Variants in ABAT observed in about 807,000 individuals in gnomAD.
The protein encoded by ABAT is 4-aminobutyrate aminotransferase.
Under a neutral mutation model 64.6 loss-of-function variants are expected in ABAT, and 45 were observed. That is an observed-to-expected ratio of 0.70 (90% CI 0.55 to 0.89). ABAT has a LOEUF of 0.89. Among genes scored for constraint, ABAT ranks in the 40% least tolerant of loss-of-function variants. ABAT has a pLI of 0.00. For synonymous variants in ABAT, 297 were observed against 250.5 expected, an observed-to-expected ratio of 1.19 and a Z score of -1.75; for missense variants, 633 against 658.4, an observed-to-expected ratio of 0.96 and a Z score of 0.42.
Position 8,766,196 on chromosome 16 carries a change from C to T in ABAT, c.541-12C>T. On this transcript the variant is annotated splice_polypyrimidine_tract_variant and intron_variant, in intron 8 of 15. Transcript: ENST00000268251. ...AGCATCTCTGAGATTTTGTTCTGTT[C>T]TATTGTTTCAGAGCAAGGAAAGAGG... The T allele has an allele frequency of 6.2e-7, 1 of 1,613,590 alleles. No homozygotes were observed. The highest frequency in any genetic ancestry group is 8.5e-7 in the Non-Finnish European group (1 of 1,179,598).
intron 2 of ABAT, among the ~76,000 whole-genome samples, chr16:8,739,853 A>G (rs1434243058): frequency 6.6e-6 from 1 of 151,328 alleles, no homozygotes; most frequent in Non-Finnish European, 1.5e-5. Flanking sequence ...TTTTTGGCAC[A>G]TTTATGATTT....
At chr16:8,695,328 T>C (rs2057678041) in intron 1 of ABAT, among the ~76,000 whole-genome samples, 1 of 152,236 alleles carries the variant, frequency 6.6e-6, no homozygotes. Context: ...TGGTTCATAC[T>C]GGTTAAGAGG....
rs56100974 is a variant in ABAT at position 8,743,318 on chromosome 16, CTGTGTGTGTGTG to C, written c.71-2659_71-2648del. Among the ~76,000 whole-genome samples, 664 of 142,608 alleles carry C rather than the reference CTGTGTGTGTGTG, an allele frequency of 4.7e-3. 7 individuals carry two copies. The highest frequency in any genetic ancestry group is 0.017 in the African/African-American group (618 of 37,446). The allele number at this position is 142,608 out of a possible 152,430, so 93.6% of individuals were successfully genotyped here. ...CGACAAGCTATCTGCATGTGTGTCT[CTGTGTGTGTGTG>C]TGTGTGTGTGTGTGTGTGTGTGTCA... is the stretch of plus-strand genomic sequence containing the variant. On this transcript the variant is annotated intron_variant, in intron 2 of 15. Transcript: ENST00000268251.
chr16:8,770,882 A>T (rs2060085866), intron 11 of ABAT, among the ~76,000 whole-genome samples: 3 of 152,188 alleles, frequency 2.0e-5, no homozygotes, highest in Non-Finnish European at 4.4e-5. Context: ...ATTCCTTTTT[A>T]AAAATTCCTT....
intron 2 of ABAT, among the ~76,000 whole-genome samples, chr16:8,743,423 T>A (rs988123342): frequency 4.4e-5 from 2 of 45,268 alleles, no homozygotes; most frequent in Non-Finnish European, 7.6e-5. Flanking sequence ...ATGGAAACAG[T>A]TATATATATA....
intron 1 of ABAT, among the ~76,000 whole-genome samples, chr16:8,706,463 C>T (rs1188569132): frequency 1.3e-5 from 2 of 150,648 alleles, no homozygotes; most frequent in African/African-American, 4.9e-5. Context: ...CCTGTAATCC[C>T]AGCACTTTGG....
chr16:8,722,351 G>C (rs1206812544), intron 1 of ABAT, among the ~76,000 whole-genome samples: 1 of 152,038 alleles, frequency 6.6e-6, no homozygotes, highest in African/African-American at 2.4e-5. Context: ...CACTATGTTA[G>C]CCAGGCTAGT....
intron 2 of ABAT, among the ~76,000 whole-genome samples, chr16:8,742,229 C>G (rs545811647): frequency 2.6e-4 from 39 of 152,316 alleles, no homozygotes; most frequent in African/African-American, 8.9e-4. Context: ...CACTTGATCC[C>G]ACGCTCTCCA....
At chr16:8,778,851 C>G (rs1000018713) in intron 14 of ABAT, among the ~76,000 whole-genome samples, 1 of 151,844 alleles carries the variant, frequency 6.6e-6, no homozygotes, top group African/African-American at 2.4e-5. Flanking sequence ...TTCATTTTAA[C>G]CTAACTAATT....
At chr16:8,737,768 C>CA (rs55786206) in intron 2 of ABAT, among the ~76,000 whole-genome samples, 74,363 of 144,332 alleles carry the variant, frequency 0.52, 19,926 homozygotes, top group Non-Finnish European at 0.6. Context: ...ACTAAAAATA[C>CA]AAAAAAAAAA....
intron 2 of ABAT, among the ~76,000 whole-genome samples, chr16:8,743,742 T>C (rs1009563934): frequency 6.7e-6 from 1 of 149,318 alleles, no homozygotes; most frequent in African/African-American, 2.4e-5. Context: ...TTGTTTATTA[T>C]ATATATGAAG....
chr16:8,689,175 A>G (rs1456625327), intron 1 of ABAT, among the ~76,000 whole-genome samples: 2 of 152,026 alleles, frequency 1.3e-5, no homozygotes, highest in Non-Finnish European at 2.9e-5. Flanking sequence ...TATCTCCAGC[A>G]TCCACCTAGG....
At chr16:8,760,587 G>A (rs2059766831) in intron 6 of ABAT, among the ~76,000 whole-genome samples, 2 of 152,246 alleles carry the variant, frequency 1.3e-5, no homozygotes, top group Non-Finnish European at 2.9e-5. Context: ...GGTGTCTGAT[G>A]AGGCCCACTG....
chr16:8,722,199 G>C (rs1473162773), intron 1 of ABAT, among the ~76,000 whole-genome samples: 3 of 152,228 alleles, frequency 2.0e-5, no homozygotes, highest in Non-Finnish European at 2.9e-5. Flanking sequence ...GGTCCACTCT[G>C]TCCGGCTTTT....
chr16:8,732,379 T>G (rs1391044849), intron 1 of ABAT, among the ~76,000 whole-genome samples: 1 of 150,886 alleles, frequency 6.6e-6, no homozygotes, highest in African/African-American at 2.5e-5. Flanking sequence ...CCTTCCGCAG[T>G]GTTTGTGTCC....
chr16:8,734,500 G>C (rs768951679), intron 1 of ABAT, among the ~76,000 whole-genome samples: 11 of 152,172 alleles, frequency 7.2e-5, no homozygotes, highest in Admixed American at 1.3e-4. Flanking sequence ...TCGGCTTTCA[G>C]ATCCACCACT....
intron 6 of ABAT, among the ~76,000 whole-genome samples, chr16:8,763,044 G>C (rs2059841320): frequency 1.3e-5 from 2 of 149,924 alleles, no homozygotes; most frequent in South Asian, 2.1e-4. Context: ...CGGAGGTTGA[G>C]GCTGCAGTAA....
intron 6 of ABAT, among the ~76,000 whole-genome samples, chr16:8,760,728 G>A (rs928016277): frequency 3.3e-5 from 5 of 152,218 alleles, no homozygotes; most frequent in African/African-American, 1.2e-4. Context: ...CACATTTGCA[G>A]TGTCAACCGC....
chr16:8,774,832 A>C, intron 12 of ABAT, 58 bp from the exon 13 acceptor site: 2 of 1,607,422 alleles, frequency 1.2e-6, no homozygotes, highest in South Asian at 1.1e-5. Flanking sequence ...TATGGAGGGC[A>C]TGAATTTCTG....
Sources: allele counts gnomAD v4.1 joint callset (sites outside exome capture counted in the v4.1 genomes callset), GRCh38; gene constraint gnomAD v4.1.1; transcripts MANE v1.5; gene names NCBI Gene and HGNC (gene_info 2026-07-23, HGNC 2026-07-21).